CWF19L2: variants seen among roughly 807,000 people sequenced by gnomAD.
CWF19L2 encodes the protein CWF19-like protein 2.
CWF19L2 carries 98 observed loss-of-function variants against 111.7 expected under a neutral mutation model. The observed-to-expected ratio is 0.88, with a 90% confidence interval of 0.75 to 1.04. The LOEUF (loss-of-function observed/expected upper bound fraction) is 1.04, where lower values mean the gene tolerates loss of function less well. Ranked by LOEUF, CWF19L2 falls within the 50% of genes least tolerant of loss-of-function variation. The pLI, the probability that CWF19L2 is intolerant of heterozygous loss-of-function variation, is 0.00. For missense variants in CWF19L2, 1,101 were observed against 1,051.4 expected (o/e 1.05, Z -0.65); for synonymous variants, 351 against 342.9 (o/e 1.02, Z -0.26).
intron 3 of CWF19L2, among the ~76,000 whole-genome samples, chr11:107,450,731 T>C (rs1198802609): frequency 1.3e-5 from 2 of 152,160 alleles, no homozygotes; most frequent in African/African-American, 4.8e-5. Flanking sequence ...AGAGGCTTTA[T>C]TAATATGAGA....
At chr11:107,375,654 C>A (rs1860587704) in intron 12 of CWF19L2, among the ~76,000 whole-genome samples, 1 of 129,466 alleles carries the variant, frequency 7.7e-6, no homozygotes, top group Non-Finnish European at 1.6e-5. Context: ...CACTAAATGC[C>A]CACAAGAGAA....
intron 10 of CWF19L2, among the ~76,000 whole-genome samples, chr11:107,415,821 G>A (rs767532690): frequency 2.0e-5 from 3 of 152,144 alleles, no homozygotes; most frequent in Non-Finnish European, 4.4e-5. Flanking sequence ...CTGCCAGCTG[G>A]GCACAGTAAC....
intron 10 of CWF19L2, among the ~76,000 whole-genome samples, chr11:107,395,173 C>T (rs1591181429): frequency 2.0e-5 from 3 of 152,092 alleles, no homozygotes; most frequent in Admixed American, 1.3e-4. Context: ...GTGCTGTTCT[C>T]GTGATAGTGA....
rs2134596898 is a variant in CWF19L2 at position 107,392,789 on chromosome 11, TTTC to T, written c.1721_1723del (p.Arg574del). 1 of 1,581,296 alleles carries T rather than the reference TTTC, an allele frequency of 6.3e-7. No homozygotes were observed. The highest frequency in any genetic ancestry group is 8.6e-7 in the Non-Finnish European group (1 of 1,160,044). On this transcript the variant is annotated inframe_deletion, in exon 11 of 18. Coordinates refer to ENST00000282251, the MANE Select transcript of CWF19L2 (RefSeq NM_152434.3). ...ATATGTTAAACATACCATCTGTCTCTTTCTTCTTCCTCCTTGTGATTCCAGAGA... is the reference window on the plus strand; with the variant it reads ...ATATGTTAAACATACCATCTGTCTCTTTCTTCCTCCTTGTGATTCCAGAGA...
In CWF19L2 at chr11:107,330,029, C is replaced by G; in HGVS notation, c.2440-10G>C. ...GTAACCCTCTGGGTACCTAAATAAA[C>G]AGACAAATCACAAATGGAATACAGT... On this transcript the variant is annotated splice_polypyrimidine_tract_variant and intron_variant, in intron 16 of 17. Transcript: ENST00000282251. The G allele has an allele frequency of 1.3e-6, 2 of 1,506,216 alleles. No homozygotes were observed. The highest frequency in any genetic ancestry group is 1.8e-6 in the Non-Finnish European group (2 of 1,114,892). The allele number at this position is 1,506,216 out of a possible 1,614,324, so 93.3% of individuals were successfully genotyped here.
intron 16 of CWF19L2, 29 bp downstream of exon 16, chr11:107,334,852 T>C (rs750919715): frequency 8.8e-6 from 12 of 1,369,430 alleles, no homozygotes; most frequent in Non-Finnish European, 2.1e-6. Flanking sequence ...ACTAGGGTAA[T>C]TTCTTTTACC....
intron 10 of CWF19L2, 65 bp downstream of exon 10, chr11:107,416,144 A>G: frequency 2.4e-6 from 1 of 419,382 alleles, no homozygotes; most frequent in Non-Finnish European, 4.0e-6. Context: ...ATAAAATAAA[A>G]TATTACCACT....
intron 15 of CWF19L2, 92 bp downstream of exon 15, chr11:107,336,466 T>C (rs542634587): frequency 6.7e-6 from 7 of 1,038,646 alleles, no homozygotes; most frequent in South Asian, 3.1e-5. Flanking sequence ...TGTAAGTATA[T>C]AGGAGAAAAA....
chr11:107,440,707 A>G (rs984433910), intron 5 of CWF19L2, among the ~76,000 whole-genome samples: 12 of 152,230 alleles, frequency 7.9e-5, no homozygotes, highest in Non-Finnish European at 1.6e-4. Flanking sequence ...AATAACTTCT[A>G]TAAATCAGTT....
rs539840351 is a variant in CWF19L2, at chr11:107,414,566, A to G, written c.1617+1643T>C. On this transcript the variant is annotated intron_variant, in intron 10 of 17. Transcript: ENST00000282251. The stretch of plus-strand genomic sequence containing the variant: ...TCTTCTCCCTACTCCCAACCATCCA[A>G]CTGCCTACTTGACATCTCCACTTAT... Among the ~76,000 whole-genome samples, 10 of 152,164 alleles carry G rather than the reference A, an allele frequency of 6.6e-5. No individual in the cohort carries two copies. The South Asian group carries it at 1.2e-3, about 19-fold the overall frequency.
chr11:107,358,626 C>A (rs1860274993), intron 12 of CWF19L2, among the ~76,000 whole-genome samples: 1 of 152,198 alleles, frequency 6.6e-6, no homozygotes, highest in African/African-American at 2.4e-5. Context: ...TGATTCCATT[C>A]ATATGAAATG....
At position 107,455,702 on chromosome 11, in the gene CWF19L2, T is replaced by A. The variant is rs1861843797; in HGVS notation, c.180A>T (p.Leu60=). 6.4e-7 allele frequency: 1 copy of A among 1,551,162 alleles called. No individual in the cohort carries two copies. The highest frequency in any genetic ancestry group is 1.4e-5 in the African/African-American group (1 of 73,154). Residue 60 remains leucine, a synonymous_variant, in exon 2 of 18, where the codon CTA becomes CTT. Transcript: ENST00000282251. ...KRLRGEDTWM[L]PDVNERIEQF... is the part of the protein sequence containing the mutation. ...GTTCAATTCTCTCATTCACATCAGG[T>A]AGCATCCATGTATCCTCACCCCGAA... is the stretch of plus-strand genomic sequence containing the variant.
intron 12 of CWF19L2, among the ~76,000 whole-genome samples, chr11:107,358,887 C>A (rs1182971670): frequency 6.6e-6 from 1 of 152,174 alleles, no homozygotes; most frequent in Non-Finnish European, 1.5e-5. Context: ...TCCCCAACAT[C>A]ATATTTGGCT....
chr11:107,338,889 G>C (rs1859965733), intron 14 of CWF19L2, among the ~76,000 whole-genome samples: 1 of 152,178 alleles, frequency 6.6e-6, no homozygotes, highest in African/African-American at 2.4e-5. Context: ...ATGTGTGCAT[G>C]TATCTTTATA....
intron 3 of CWF19L2, among the ~76,000 whole-genome samples, chr11:107,447,374 G>A (rs1283757985): frequency 6.6e-6 from 1 of 152,160 alleles, no homozygotes; most frequent in Non-Finnish European, 1.5e-5. Flanking sequence ...TGAACATGCT[G>A]AGGATGAGAG....
At position 107,372,041 on chromosome 11, in the gene CWF19L2, G is replaced by C. The variant is rs191018981; in HGVS notation, c.1872+18033C>G. ...GCAATTTTGTATAATAGTGAAAAGG[G>C]GGTTTCTGGAATTCCATGCACTTGA... On this transcript the variant is annotated intron_variant, in intron 12 of 17. Transcript: ENST00000282251. Among the ~76,000 whole-genome samples, 547 of 135,432 alleles carry C rather than the reference G, an allele frequency of 4.0e-3. 96 individuals carry two copies. The highest frequency in any genetic ancestry group is 7.0e-3 in the Non-Finnish European group (446 of 63,674). 88.8% of individuals were successfully genotyped at this position (135,432 alleles called of 152,430 possible). A position where few individuals can be genotyped will look rare whatever the true frequency, so the allele number is the denominator to read the frequency against.
chr11:107,329,474 G>A (rs933025186), intron 17 of CWF19L2, among the ~76,000 whole-genome samples: 5 of 152,076 alleles, frequency 3.3e-5, no homozygotes, highest in African/African-American at 4.8e-5. Flanking sequence ...ACTTATTAGC[G>A]CATTACCCTG....
chr11:107,436,154 C>A (rs1861538612), intron 6 of CWF19L2, among the ~76,000 whole-genome samples: 1 of 146,816 alleles, frequency 6.8e-6, no homozygotes. Flanking sequence ...CTCCACACGC[C>A]CCCCGACCCA....
At chr11:107,398,005 G>C (rs1860948687) in intron 10 of CWF19L2, among the ~76,000 whole-genome samples, 1 of 152,166 alleles carries the variant, frequency 6.6e-6, no homozygotes, top group Non-Finnish European at 1.5e-5. Flanking sequence ...TGGGACAAAA[G>C]AATCTAAACA....
Sources: gnomAD v4.1 joint callset for allele counts (sites outside exome capture counted in the v4.1 genomes callset) on GRCh38, gnomAD v4.1.1 for gene constraint, MANE v1.5 for transcripts, NCBI Gene and HGNC (gene_info 2026-07-23, HGNC 2026-07-21) for gene names.